IFI44: variants seen among roughly 807,000 people sequenced by gnomAD.
IFI44 encodes interferon-induced protein 44.
In IFI44, 42 loss-of-function variants were observed where a neutral mutation model predicts 45.0. The observed-to-expected ratio is 0.93, with a 90% CI of 0.73 to 1.21. The LOEUF is 1.21. IFI44 is among the 50% of genes most tolerant of loss of function. The pLI, the probability that IFI44 is intolerant of heterozygous loss-of-function variation, is 0.00. For missense variants in IFI44, 623 were observed against 525.8 expected (o/e 1.18, Z -1.81); for synonymous variants, 221 against 188.6 (o/e 1.17, Z -1.41).
At chr1:78,661,412 C>A (rs369937560) in intron 7 of IFI44, among the ~76,000 whole-genome samples, 1 of 151,988 alleles carries the variant, frequency 6.6e-6, no homozygotes. Flanking sequence ...AGATGCAGAA[C>A]CCATGGATAC....
chr1:78,650,485 C>CA lies in IFI44; in HGVS notation c.291dup (p.Glu98ArgfsTer7), dbSNP rs544893099. 2.5e-4 allele frequency: 402 copies of CA among 1,613,990 alleles called. 6 individuals carry two copies. The East Asian group carries it at 4.2e-3, about 17-fold the overall frequency. On this transcript the variant is annotated frameshift_variant, in exon 2 of 9. Coordinates refer to ENST00000370747, the MANE Select transcript of IFI44 (RefSeq NM_006417.5). LOFTEE classifies it high-confidence loss of function. ...GAATGGAAACTAGGACTATGTACACCAGAAACACTGTTTTGTTGTGATGTT... is the reference window on the plus strand; with the variant it reads ...GAATGGAAACTAGGACTATGTACACCAAGAAACACTGTTTTGTTGTGATGTT...
chr1:78,650,406 G>GAAGGAAAGTATGCTTCC lies in IFI44; in HGVS notation c.213_229dup (p.Ile77LysfsTer22). ...AGCATATGCAGAAGAGAGTTACCAGGAAGGAAAGTATGCTTCCATCATCCT... is the reference window on the plus strand; with the variant it reads ...AGCATATGCAGAAGAGAGTTACCAGGAAGGAAAGTATGCTTCCAAGGAAAGTATGCTTCCATCATCCT... On this transcript the variant is annotated frameshift_variant, in exon 2 of 9. Transcript: ENST00000370747. LOFTEE classifies it high-confidence loss of function. 6.2e-7 allele frequency: 1 copy of GAAGGAAAGTATGCTTCC among 1,613,956 alleles called. No individual in the cohort carries two copies. Among genetic ancestry groups the GAAGGAAAGTATGCTTCC allele is most frequent in the Non-Finnish European group, 8.5e-7 (1 of 1,179,880 alleles).
intron 5 of IFI44, among the ~76,000 whole-genome samples, chr1:78,658,089 AT>A (rs1323608448): frequency 5.9e-5 from 9 of 152,076 alleles, no homozygotes; most frequent in East Asian, 3.8e-4. Flanking sequence ...ATGAAAAAAA[AT>A]AAATTATAAA....
chr1:78,658,728 G>T (rs530794542), intron 5 of IFI44, among the ~76,000 whole-genome samples: 1 of 152,108 alleles, frequency 6.6e-6, no homozygotes, highest in African/African-American at 2.4e-5. Context: ...ATATAAATTT[G>T]CTGCTACTCC....
chr1:78,654,507 T>C (rs573959072), intron 3 of IFI44, among the ~76,000 whole-genome samples: 3 of 152,200 alleles, frequency 2.0e-5, no homozygotes, highest in Admixed American at 1.3e-4. Context: ...GAAAAATAAT[T>C]ACTTGTTTGT....
intron 2 of IFI44, among the ~76,000 whole-genome samples, chr1:78,653,064 A>C (rs1183541408): frequency 1.3e-5 from 2 of 152,090 alleles, no homozygotes; most frequent in Non-Finnish European, 2.9e-5. Flanking sequence ...AAACAAGATA[A>C]TTATTTATTT....
rs1308387501 is a variant in IFI44 at position 78,659,474 on chromosome 1, G to A, written c.1003G>A (p.Val335Ile). 6.2e-7 allele frequency: 1 copy of A among 1,611,556 alleles called. No homozygotes were observed. Among genetic ancestry groups the A allele is most frequent in the African/African-American group, 1.3e-5 (1 of 74,866 alleles). The change falls in exon 6 of 9, where the codon GTA becomes ATA. Residue 335 changes from valine to isoleucine, a missense_variant. Physicochemically the swap from Val to Ile is conservative, Grantham distance 29. Transcript: ENST00000370747. ...GATCAAAAGAATTCGAAGGGAGTTG[G>A]TAAACGCTGGTGAGTCTCATTCCAC... ...VKIKRIRREL[V>I]NAGVVHVALL...
chr1:78,662,960 G>A, intron 8 of IFI44, 82 bp downstream of exon 8: 1 of 1,607,370 alleles, frequency 6.2e-7, no homozygotes, highest in Non-Finnish European at 8.5e-7. Context: ...ATACCTGGCA[G>A]CTCTCTGTCT....
chr1:78,657,267 A>C (rs1189880286), intron 5 of IFI44, among the ~76,000 whole-genome samples: 1 of 151,952 alleles, frequency 6.6e-6, no homozygotes, highest in Non-Finnish European at 1.5e-5. Flanking sequence ...AGTCTCTTTG[A>C]TTGTATGTTC....
chr1:78,659,379 GA>G lies in IFI44; in HGVS notation c.910del (p.Ile304PhefsTer20), dbSNP rs773586459. 1.2e-6 allele frequency: 2 copies of G among 1,613,214 alleles called. No homozygotes were observed. The highest frequency in any genetic ancestry group is 1.7e-6 in the Non-Finnish European group (2 of 1,179,272). ...ATTGATTCCCCATCGCTGAAGGACA[GA>G]ATTCATTGTGTGGCATTTGTATTTG... Reference protein sequence around the residue: ...DYIDSPSLKDRIHCVAFVFDA... With the variant: ...DYIDSPSLKDXIHCVAFVFDA... On this transcript the variant is annotated frameshift_variant, in exon 6 of 9. Coordinates refer to ENST00000370747, the MANE Select transcript of IFI44 (RefSeq NM_006417.5). LOFTEE classifies it high-confidence loss of function.
intron 5 of IFI44, among the ~76,000 whole-genome samples, chr1:78,658,541 T>C (rs1486528856): frequency 6.6e-6 from 1 of 152,148 alleles, no homozygotes; most frequent in Non-Finnish European, 1.5e-5. Flanking sequence ...TAAGTTAATT[T>C]GGTTTTATAT....
chr1:78,656,468 G>GT (rs1397399539), intron 5 of IFI44, among the ~76,000 whole-genome samples: 3 of 151,960 alleles, frequency 2.0e-5, no homozygotes, highest in East Asian at 3.9e-4. Flanking sequence ...GTATTGTCTA[G>GT]TTTTTTCTAT....
chr1:78,657,214 A>G (rs58830966), intron 5 of IFI44, among the ~76,000 whole-genome samples: 39,035 of 152,018 alleles, frequency 0.26, 5,627 homozygotes, highest in Non-Finnish European at 0.33. Flanking sequence ...TTATAAATAT[A>G]CATCTTTAAG....
chr1:78,654,440 A>G (rs1029457875), intron 3 of IFI44, among the ~76,000 whole-genome samples, 161 bp downstream of exon 3: 1 of 152,136 alleles, frequency 6.6e-6, no homozygotes, highest in Non-Finnish European at 1.5e-5. Context: ...GATAATATTA[A>G]TGTTAAAAAA....
chr1:78,654,118 G>A (rs989554279), intron 2 of IFI44, 125 bp from the exon 3 acceptor site: 21 of 683,072 alleles, frequency 3.1e-5, no homozygotes, highest in South Asian at 1.9e-4. Flanking sequence ...TTCACCATAC[G>A]GGACCATTCT....
intron 7 of IFI44, among the ~76,000 whole-genome samples, chr1:78,661,507 T>C (rs1647450506): frequency 6.6e-6 from 1 of 152,152 alleles, no homozygotes. Flanking sequence ...TCAATAAATG[T>C]TTATTGATAT....
At position 78,655,392 on chromosome 1, in the gene IFI44, G is replaced by C; in HGVS notation, c.721G>C (p.Asp241His). The change falls in exon 5 of 9, where the codon GAT becomes CAT. Residue 241 changes from aspartate to histidine, a missense_variant. By Grantham distance (81) the Asp-to-His change is moderately conservative. Transcript: ENST00000370747. ...GACATACTCTATTAGAGACGGGAAA[G>C]ATGGCAAATACCTGCCGTTTATTCT... ...YRTYSIRDGKDGKYLPFILCD... is the reference protein window; with the variant it reads ...YRTYSIRDGKHGKYLPFILCD... 6.2e-7 allele frequency: 1 copy of C among 1,613,582 alleles called. No individual in the cohort carries two copies. The highest frequency in any genetic ancestry group is 8.5e-7 in the Non-Finnish European group (1 of 1,179,742).
intron 2 of IFI44, among the ~76,000 whole-genome samples, chr1:78,652,841 G>T (rs541086267): frequency 6.6e-6 from 1 of 152,220 alleles, no homozygotes; most frequent in South Asian, 2.1e-4. Context: ...CAATGAAATT[G>T]CTGGATCATA....
At chr1:78,662,386 GTC>G (rs1363722141) in intron 7 of IFI44, among the ~76,000 whole-genome samples, 1 of 152,126 alleles carries the variant, frequency 6.6e-6, no homozygotes, top group Non-Finnish European at 1.5e-5. Flanking sequence ...CGTTAAACTG[GTC>G]TAATAAAATC....
Sources: allele counts gnomAD v4.1 joint callset (sites outside exome capture counted in the v4.1 genomes callset), GRCh38; gene constraint gnomAD v4.1.1; transcripts MANE v1.5; gene names NCBI Gene and HGNC (gene_info 2026-07-23, HGNC 2026-07-21).